ZNF112: variants seen among roughly 807,000 people sequenced by gnomAD.
The protein encoded by ZNF112 is zinc finger protein 112 (Y14).
Under a neutral mutation model 77.7 loss-of-function variants are expected in ZNF112, and 37 were observed. That is an observed-to-expected ratio of 0.48 (90% confidence interval 0.37 to 0.63). The LOEUF is 0.63. Ranked by LOEUF, ZNF112 falls within the 20% of genes least tolerant of loss-of-function variation. ZNF112 has a pLI of 0.00. For missense variants in ZNF112, 950 were observed against 1,077.4 expected (o/e 0.88, Z 1.66); for synonymous variants, 333 against 363.6 (o/e 0.92, Z 0.96).
chr19:44,329,996 A>C (rs1366736666), intron 3 of ZNF112, 60 bp from the exon 4 acceptor site: 6 of 1,340,934 alleles, frequency 4.5e-6, no homozygotes, highest in Non-Finnish European at 6.1e-6. Context: ...AGAGATTTGA[A>C]GATTTTACAC....
chr19:44,343,223 T>C (rs767603381), intron 1 of ZNF112: 104 of 1,612,574 alleles, frequency 6.4e-5, no homozygotes, highest in Non-Finnish European at 7.8e-5. Context: ...TGAGGTCACA[T>C]GTAAAACGGC....
chr19:44,351,893 A>C lies in ZNF112; in HGVS notation c.-4+4733T>G, dbSNP rs181864137. Among the ~76,000 whole-genome samples the C allele has an allele frequency of 2.2e-4, 34 of 152,256 alleles. No homozygotes were observed. In the East Asian group the frequency reaches 6.6e-3, roughly 29 times the overall value. On this transcript the variant is annotated intron_variant, in intron 1 of 3. Transcript: ENST00000354340. Reference sequence around the variant, plus strand: ...TAAATGAATTAACATTAATGAATTCAAAGTGATAGATGAAATGGTTTAATT... The same window carrying C: ...TAAATGAATTAACATTAATGAATTCCAAGTGATAGATGAAATGGTTTAATT...
Position 44,331,280 on chromosome 19 carries a change from G to C in ZNF112, c.221-1344C>G, listed in dbSNP as rs146664389. ...TAGGTGTCCTCTGAGGTGCTCATTA[G>C]CCAGGAACAGAACTCAATGAATACT... On this transcript the variant is annotated intron_variant, in intron 3 of 3. Coordinates refer to ENST00000354340, the MANE Select transcript of ZNF112 (RefSeq NM_013380.4). Among the ~76,000 whole-genome samples the C allele has an allele frequency of 2.5e-3, 386 of 152,272 alleles. 3 individuals are homozygous for C. Among genetic ancestry groups the C allele is most frequent in the Middle Eastern group, 0.01 (3 of 294 alleles).
At chr19:44,361,653 A>AC (rs1599943605), upstream of ZNF112, among the ~76,000 whole-genome samples, 1 of 152,228 alleles carries the variant, frequency 6.6e-6, no homozygotes, top group Non-Finnish European at 1.5e-5. Context: ...ATTAATTGAT[A>AC]GAGCACAGGG....
At chr19:44,358,097 A>G (rs1451035691), upstream of ZNF112, among the ~76,000 whole-genome samples, 1 of 146,264 alleles carries the variant, frequency 6.8e-6, no homozygotes, top group African/African-American at 2.5e-5. Flanking sequence ...GCTTGCAGTG[A>G]GCCGAGATCG....
chr19:44,344,668 T>C (rs1049598365), intron 1 of ZNF112, among the ~76,000 whole-genome samples: 1 of 151,960 alleles, frequency 6.6e-6, no homozygotes, highest in Non-Finnish European at 1.5e-5. Flanking sequence ...GTGCACGGAG[T>C]CCTTTGAGAG....
chr19:44,343,580 G>A (rs1291595748), intron 1 of ZNF112, among the ~76,000 whole-genome samples: 1 of 152,218 alleles, frequency 6.6e-6, no homozygotes, highest in Non-Finnish European at 1.5e-5. Flanking sequence ...GAAAGGAGAG[G>A]TAGTGGCATG....
intron 2 of ZNF112, among the ~76,000 whole-genome samples, chr19:44,338,846 T>G (rs1229657185): frequency 6.6e-6 from 1 of 152,170 alleles, no homozygotes; most frequent in Non-Finnish European, 1.5e-5. Flanking sequence ...GTGGATCACC[T>G]GAGGCCAGGA....
At chr19:44,350,972 ATTTATTC>A (rs1970680955) in intron 1 of ZNF112, among the ~76,000 whole-genome samples, 1 of 152,090 alleles carries the variant, frequency 6.6e-6, no homozygotes, top group South Asian at 2.1e-4. Context: ...AAATAATGCA[ATTTATTC>A]TTTATTAGTT....
chr19:44,364,512 G>T (rs1295367142), intron 1 of ZNF112, among the ~76,000 whole-genome samples: 2 of 151,888 alleles, frequency 1.3e-5, no homozygotes, highest in East Asian at 1.9e-4. Flanking sequence ...TTTTTCCCTG[G>T]ATTTCTTCCC....
intron 1 of ZNF112, among the ~76,000 whole-genome samples, chr19:44,352,786 G>A (rs1256293378): frequency 1.3e-5 from 2 of 152,066 alleles, no homozygotes; most frequent in South Asian, 2.1e-4. Context: ...TCGGGCATAT[G>A]TCTAAACAAA....
chr19:44,330,054 A>C, intron 3 of ZNF112, 118 bp from the exon 4 acceptor site: 1 of 721,838 alleles, frequency 1.4e-6, no homozygotes, highest in Non-Finnish European at 2.2e-6. Context: ...AATTCATGCC[A>C]CTATTTCTAA....
intron 2 of ZNF112, among the ~76,000 whole-genome samples, chr19:44,338,130 C>T (rs1970422966): frequency 6.6e-6 from 1 of 151,954 alleles, no homozygotes; most frequent in Non-Finnish European, 1.5e-5. Flanking sequence ...AGAGGCCAAA[C>T]TTGGGACAAT....
chr19:44,340,063 G>A (rs919071246), intron 2 of ZNF112, among the ~76,000 whole-genome samples: 2 of 150,926 alleles, frequency 1.3e-5, no homozygotes, highest in African/African-American at 4.9e-5. Flanking sequence ...CCTTTTGTAA[G>A]TTTTCTGTGA....
intron 1 of ZNF112, among the ~76,000 whole-genome samples, chr19:44,343,487 C>T (rs566682502): frequency 7.0e-4 from 107 of 152,310 alleles, no homozygotes; most frequent in African/African-American, 2.2e-3. Context: ...CCCGCATGCA[C>T]GGAGCAACCT....
In ZNF112 at chr19:44,341,804, T is replaced by A. The variant is rs556859411; in HGVS notation, c.-3-1262A>T. Among the ~76,000 whole-genome samples the A allele has an allele frequency of 3.9e-5, 6 of 152,362 alleles. No individual in the cohort carries two copies. In the South Asian group the frequency reaches 1.2e-3, roughly 32 times the overall value. On this transcript the variant is annotated intron_variant, in intron 1 of 3. Coordinates refer to ENST00000354340, the MANE Select transcript of ZNF112 (RefSeq NM_013380.4). ...CTTTTTGCTGTAGGGTAATTTTAAA[T>A]TTTTAAATGAACAACTGTTCAGTCC...
chr19:44,353,715 T>TA (rs954459868), intron 1 of ZNF112, among the ~76,000 whole-genome samples: 228 of 151,024 alleles, frequency 1.5e-3, no homozygotes, highest in African/African-American at 4.4e-3. Flanking sequence ...ATGGCTAAAA[T>TA]AAAAAAAAAT....
chr19:44,351,960 A>T (rs1970700533), intron 1 of ZNF112, among the ~76,000 whole-genome samples: 1 of 152,150 alleles, frequency 6.6e-6, no homozygotes. Context: ...GTGAGAAATC[A>T]AAGAGAAAAA....
rs767567010 is a variant in ZNF112 at position 44,328,922 on chromosome 19, A to G, written c.1235T>C (p.Ile412Thr). The G allele has an allele frequency of 1.2e-5, 19 of 1,613,832 alleles. No individual in the cohort carries two copies. The East Asian group carries it at 1.3e-4, about 11-fold the overall frequency. Residue 412 changes from isoleucine (I) to threonine (T), a missense_variant, in exon 4 of 4, where the codon ATA becomes ACA. By Grantham distance (89) the Ile-to-Thr change is moderately conservative (BLOSUM62 -1). Transcript: ENST00000354340. ...IHTEEKLYTDIEYGKSFICSS... is the reference protein window; with the variant it reads ...IHTEEKLYTDTEYGKSFICSS... ...ACAAATGAAACTCTTTCCATACTCT[A>G]TATCTGTGTATAGTTTCTCTTCAGT...
Sources: gnomAD v4.1 joint callset for allele counts (sites outside exome capture counted in the v4.1 genomes callset) on GRCh38, gnomAD v4.1.1 for gene constraint, MANE v1.5 for transcripts, NCBI Gene and HGNC (gene_info 2026-07-23, HGNC 2026-07-21) for gene names.